Variants in ACSS2 observed in about 807,000 individuals in gnomAD.
The protein encoded by ACSS2 is acetyl-coenzyme A synthetase, cytoplasmic.
A neutral mutation model predicts 90.6 loss-of-function variants in ACSS2; 58 were observed. The ratio of observed to expected loss-of-function variants is 0.64; its 90% CI spans 0.52 to 0.80. The LOEUF (loss-of-function observed/expected upper bound fraction) is 0.80. Ranked by LOEUF, ACSS2 falls within the 30% of genes least tolerant of loss-of-function variation. The pLI is 0.00. For synonymous variants in ACSS2, 300 were observed against 330.9 expected (o/e 0.91, Z 1.01); for missense variants, 759 against 912.0 (o/e 0.83, Z 2.16).
intron 4 of ACSS2, 62 bp downstream of exon 4, chr20:34,913,558 G>T: frequency 6.7e-7 from 1 of 1,500,664 alleles, no homozygotes. Context: ...GAAGTAGGTT[G>T]GGCCTAGATG....
intron 2 of ACSS2, among the ~76,000 whole-genome samples, chr20:34,911,626 A>C (rs374878570): frequency 1.3e-5 from 2 of 152,036 alleles, no homozygotes; most frequent in East Asian, 3.9e-4. Flanking sequence ...GCCTGACCCA[A>C]GATAGTATAT....
intron 2 of ACSS2, among the ~76,000 whole-genome samples, 191 bp from the exon 3 acceptor site, chr20:34,912,905 C>A (rs965139389): frequency 6.6e-6 from 1 of 152,210 alleles, no homozygotes; most frequent in African/African-American, 2.4e-5. Context: ...TATAAAATAT[C>A]TTGAATGGCC....
chr20:34,885,777 C>G (rs2146977073), intron 2 of ACSS2, among the ~76,000 whole-genome samples: 1 of 152,284 alleles, frequency 6.6e-6, no homozygotes, highest in East Asian at 1.9e-4. Context: ...TGGGGAAGCA[C>G]TGGATTAAAT....
Position 34,913,162 on chromosome 20 carries a change from G to A in ACSS2, c.441G>A (p.Gln147=). ...TYHQLLVQVC[Q]FSNVLRKQGI... ...ATCAGCTTCTGGTCCAAGTGTGTCA[G>A]TTCAGCAATGTTCTCCGAAAACAGG... Residue 147 remains glutamine, a synonymous_variant, in exon 3 of 18, where the codon CAG becomes CAA. Coordinates refer to ENST00000360596, the MANE Select transcript of ACSS2 (RefSeq NM_018677.4). The A allele has an allele frequency of 1.2e-6, 2 of 1,614,206 alleles. No individual in the cohort carries two copies. The highest frequency in any genetic ancestry group is 1.7e-6 in the Non-Finnish European group (2 of 1,180,042).
At chr20:34,884,531 A>T (rs551127556) in intron 2 of ACSS2, among the ~76,000 whole-genome samples, 5 of 152,352 alleles carry the variant, frequency 3.3e-5, no homozygotes, top group African/African-American at 1.2e-4. Context: ...TAAGAATCAA[A>T]TGAGATAACG....
At chr20:34,911,811 C>A (rs889138494) in intron 2 of ACSS2, among the ~76,000 whole-genome samples, 4 of 151,992 alleles carry the variant, frequency 2.6e-5, no homozygotes, top group Non-Finnish European at 5.9e-5. Context: ...TTCATTGGTG[C>A]CTTATTTCTT....
intron 5 of ACSS2, 56 bp downstream of exon 5, chr20:34,913,881 CCAAT>C: frequency 6.4e-7 from 1 of 1,555,162 alleles, no homozygotes; most frequent in Non-Finnish European, 8.9e-7. Context: ...GCCTTGGTCT[CCAAT>C]CAGCTCATTG....
intron 14 of ACSS2, among the ~76,000 whole-genome samples, chr20:34,924,133 T>G (rs181330886): frequency 5.1e-4 from 78 of 152,256 alleles, no homozygotes; most frequent in South Asian, 2.9e-3. Flanking sequence ...TGCATGACTA[T>G]TATGTCATGT....
At chr20:34,915,752 A>G (rs1228407051) in intron 7 of ACSS2, among the ~76,000 whole-genome samples, 1 of 152,240 alleles carries the variant, frequency 6.6e-6, no homozygotes, top group Non-Finnish European at 1.5e-5. Context: ...TATAAACTGC[A>G]TATAACTTTG....
chr20:34,919,395 T>A, intron 7 of ACSS2, 40 bp from the exon 8 acceptor site: 1 of 1,611,946 alleles, frequency 6.2e-7, no homozygotes, highest in Non-Finnish European at 8.5e-7. Context: ...CTTGTCCCCA[T>A]CTTGAGCTGT....
At chr20:34,879,595 T>C (rs2080021295) in intron 1 of ACSS2, among the ~76,000 whole-genome samples, 1 of 151,498 alleles carries the variant, frequency 6.6e-6, no homozygotes, top group Admixed American at 6.6e-5. Context: ...TAGCCAAACA[T>C]GGTGACGCAC....
At chr20:34,918,938 G>A (rs907257292) in intron 7 of ACSS2, among the ~76,000 whole-genome samples, 19 of 152,240 alleles carry the variant, frequency 1.2e-4, no homozygotes, top group African/African-American at 7.2e-5. Context: ...GGCAGGGGTC[G>A]GGAGGAAAGA....
intron 1 of ACSS2, among the ~76,000 whole-genome samples, chr20:34,878,229 G>GC (rs2079976563): frequency 6.6e-6 from 1 of 152,152 alleles, no homozygotes. Context: ...GAGCTACTGC[G>GC]CCTAGCCAAG....
chr20:34,919,659 G>T (rs993273784), intron 8 of ACSS2, 87 bp downstream of exon 8: 4 of 1,476,342 alleles, frequency 2.7e-6, no homozygotes, highest in Non-Finnish European at 3.6e-6. Context: ...GAGGAAACAA[G>T]TAATGAAATT....
Position 34,888,584 on chromosome 20 carries a change from C to T in ACSS2, c.374+5595C>T, listed in dbSNP as rs549133842. Among the ~76,000 whole-genome samples the T allele has an allele frequency of 1.2e-4, 18 of 152,278 alleles. No individual in the cohort carries two copies. In the East Asian group the frequency reaches 2.5e-3, roughly 21 times the overall value. ...TCTTGCCCTCATGGAGGTTATAGTCCAGCTTGAGGAGACAGACAATAAACA... is the reference window on the plus strand; with the variant it reads ...TCTTGCCCTCATGGAGGTTATAGTCTAGCTTGAGGAGACAGACAATAAACA... On this transcript the variant is annotated intron_variant, in intron 2 of 17. Transcript: ENST00000360596.
intron 2 of ACSS2, among the ~76,000 whole-genome samples, chr20:34,902,330 CAAT>C (rs1349169828): frequency 1.3e-5 from 2 of 151,866 alleles, no homozygotes; most frequent in East Asian, 1.9e-4. Context: ...TTAACAATAA[CAAT>C]AAGTAAACAA....
intron 2 of ACSS2, among the ~76,000 whole-genome samples, chr20:34,891,594 G>T (rs191707351): frequency 1.7e-4 from 26 of 152,264 alleles, no homozygotes; most frequent in African/African-American, 5.3e-4. Flanking sequence ...TTGCCTGAGG[G>T]TTGTTTGTGG....
chr20:34,895,422 G>T (rs1267702274), intron 2 of ACSS2, among the ~76,000 whole-genome samples: 3 of 152,142 alleles, frequency 2.0e-5, no homozygotes, highest in Non-Finnish European at 4.4e-5. Context: ...AGATAAATAT[G>T]TTAATATATG....
chr20:34,906,919 G>A (rs1435198138), intron 2 of ACSS2, among the ~76,000 whole-genome samples: 2 of 148,762 alleles, frequency 1.3e-5, no homozygotes, highest in Non-Finnish European at 3.0e-5. Context: ...TGGAGGCGGA[G>A]GTTGCAGTGA....
Sources: allele counts gnomAD v4.1 joint callset (sites outside exome capture counted in the v4.1 genomes callset), GRCh38; gene constraint gnomAD v4.1.1; transcripts MANE v1.5; gene names NCBI Gene and HGNC (gene_info 2026-07-23, HGNC 2026-07-21).